The following ABLIM2 variants were observed in gnomAD, a reference collection of about 807,000 sequenced individuals.
The protein encoded by ABLIM2 is actin-binding LIM protein 2.
In ABLIM2, 53 loss-of-function variants were observed where a neutral mutation model predicts 97.7. That is an observed-to-expected ratio of 0.54 (90% CI 0.44 to 0.68). The LOEUF (loss-of-function observed/expected upper bound fraction) is 0.68, where lower values mean the gene tolerates loss of function less well. Among genes scored for constraint, ABLIM2 ranks in the 30% least tolerant of loss-of-function variants. The pLI is 0.00. For synonymous variants in ABLIM2, 361 were observed against 345.8 expected, an observed-to-expected ratio of 1.04 and a Z score of -0.49; for missense variants, 835 against 867.2, an observed-to-expected ratio of 0.96 and a Z score of 0.47.
At position 7,999,071 on chromosome 4, in the gene ABLIM2, A is replaced by T. The variant is rs934668417; in HGVS notation, c.1619-6144T>A. ...AGCGCTGAGAATCACTGGTTTATTT[A>T]TTTTATTTTTTGAGACGGAGTTTTG... On this transcript the variant is annotated intron_variant, in intron 16 of 20. Coordinates refer to ENST00000447017, the MANE Select transcript of ABLIM2 (RefSeq NM_001130083.2). This position sits in a 1 kb window ranked among gnomAD's most constrained non-coding sequence, Gnocchi z 4.4. Among the ~76,000 whole-genome samples the T allele has an allele frequency of 6.6e-6, 1 of 151,998 alleles. No homozygotes were observed. The highest frequency in any genetic ancestry group is 1.5e-5 in the Non-Finnish European group (1 of 67,992).
chr4:8,157,017 G>C (rs954407434), intron 1 of ABLIM2, among the ~76,000 whole-genome samples: 1 of 152,168 alleles, frequency 6.6e-6, no homozygotes, highest in African/African-American at 2.4e-5. Context: ...CCAAACTACC[G>C]AGGGCCTCCC....
intron 6 of ABLIM2, among the ~76,000 whole-genome samples, 164 bp downstream of exon 6, chr4:8,077,464 G>C (rs1816954241): frequency 6.6e-6 from 1 of 152,208 alleles, no homozygotes; most frequent in Non-Finnish European, 1.5e-5. Flanking sequence ...GCAGGCCCTG[G>C]ACAGCTGATG....
intron 14 of ABLIM2, 118 bp from the exon 15 acceptor site, chr4:8,009,220 G>A: frequency 4.8e-6 from 6 of 1,237,908 alleles, no homozygotes; most frequent in Non-Finnish European, 7.1e-6. Context: ...GAGAAGGTCA[G>A]TAGTACGAGT....
At position 8,071,375 on chromosome 4, in the gene ABLIM2, G is replaced by C. The variant is rs2152328091; in HGVS notation, c.675+6253C>G. On this transcript the variant is annotated intron_variant, in intron 6 of 20. Coordinates refer to ENST00000447017, the MANE Select transcript of ABLIM2 (RefSeq NM_001130083.2). This position sits in a 1 kb window ranked among gnomAD's most constrained non-coding sequence, Gnocchi z 6.2. ...GACACCCAGAGATGGGTGGGATGCA[G>C]GCCAACATGCATGAGGGTGCTGCAC... 6.6e-6 allele frequency among the ~76,000 whole-genome samples: 1 copy of C among 152,322 alleles called. No individual in the cohort carries two copies. Among genetic ancestry groups the C allele is most frequent in the East Asian group, 1.9e-4 (1 of 5,184 alleles).
rs1775662739 is a variant in ABLIM2 at position 8,023,958 on chromosome 4, G to T, written c.1268-3655C>A. ...AGAGGCCAGCTGGTGGCCACGGGCA[G>T]GCCAGGTAGGATGATGCCCATGCTG... On this transcript the variant is annotated intron_variant, in intron 12 of 20. Transcript: ENST00000447017. The surrounding 1 kb of genome is among the most constrained non-coding windows in gnomAD (Gnocchi z 5.7). Among the ~76,000 whole-genome samples, 1 of 152,194 alleles carries T rather than the reference G, an allele frequency of 6.6e-6. No homozygotes were observed. Among genetic ancestry groups the T allele is most frequent in the African/African-American group, 2.4e-5 (1 of 41,446 alleles).
chr4:8,103,734 G>A (rs1835812135), intron 2 of ABLIM2, among the ~76,000 whole-genome samples: 1 of 152,218 alleles, frequency 6.6e-6, no homozygotes, highest in African/African-American at 2.4e-5. Context: ...AGGCTGAAAT[G>A]GCCTGCCCAG....
At chr4:8,007,183 T>G (rs1204983399) in intron 16 of ABLIM2, 6 of 985,268 alleles carry the variant, frequency 6.1e-6, no homozygotes, top group Non-Finnish European at 7.2e-6. Context: ...AGAAACAGTT[T>G]CTGTTTACTG....
chr4:8,078,800 G>T (rs1436152132), intron 5 of ABLIM2, among the ~76,000 whole-genome samples: 1 of 152,220 alleles, frequency 6.6e-6, no homozygotes, highest in South Asian at 2.1e-4. Flanking sequence ...CAAGGTGGCT[G>T]AAGCATTGTC....
intron 14 of ABLIM2, among the ~76,000 whole-genome samples, chr4:8,018,095 A>C (rs547344411): frequency 3.3e-4 from 50 of 152,264 alleles, no homozygotes; most frequent in African/African-American, 1.2e-3. Flanking sequence ...TCTTTGTCTT[A>C]GATCTGGGTC....
At chr4:8,057,098 C>CTTTTTTTTTTTTT (rs11333108) in intron 7 of ABLIM2, among the ~76,000 whole-genome samples, 1 of 130,140 alleles carries the variant, frequency 7.7e-6, no homozygotes, top group African/African-American at 2.8e-5. Flanking sequence ...TTCTTTCTTT[C>CTTTTTTTTTTTTT]TTTTTTTTTT....
At chr4:8,055,242 G>A (rs1019154860) in intron 7 of ABLIM2, among the ~76,000 whole-genome samples, 1 of 152,144 alleles carries the variant, frequency 6.6e-6, no homozygotes, top group Non-Finnish European at 1.5e-5. Flanking sequence ...AACTCTCTCT[G>A]CCCACCTTCC....
At chr4:8,007,608 G>A in intron 16 of ABLIM2, 1 of 990,618 alleles carries the variant, frequency 1.0e-6, no homozygotes, top group Non-Finnish European at 1.2e-6. Context: ...TCTCTATGAA[G>A]CCTGAGGCTG....
In ABLIM2 at chr4:8,009,008, T is replaced by G. The variant is rs772108379; in HGVS notation, c.1476+42A>C. Reference sequence around the variant, plus strand: ...AGCCCTCACAAAAGCAATTTCTTTCTGAGCAAGGCTGTTCTCAGCCAGATC... The same window carrying G: ...AGCCCTCACAAAAGCAATTTCTTTCGGAGCAAGGCTGTTCTCAGCCAGATC... On this transcript the variant is annotated intron_variant, in intron 15 of 20. Coordinates refer to ENST00000447017, the MANE Select transcript of ABLIM2 (RefSeq NM_001130083.2). 43 of 1,610,960 alleles carry G rather than the reference T, an allele frequency of 2.7e-5. No individual in the cohort carries two copies. In the African/African-American group the frequency reaches 5.6e-4, roughly 21 times the overall value.
In ABLIM2 at chr4:8,079,574, T is replaced by C. The variant is rs565394505; in HGVS notation, c.581+1102A>G. On this transcript the variant is annotated intron_variant, in intron 5 of 20. Transcript: ENST00000447017. ...ACTTAAAATGATGTCTTGAAGATCATTGCAGATTCCCCAGCAGTTGTAAGA... is the reference window on the plus strand; with the variant it reads ...ACTTAAAATGATGTCTTGAAGATCACTGCAGATTCCCCAGCAGTTGTAAGA... Among the ~76,000 whole-genome samples, 19 of 152,296 alleles carry C rather than the reference T, an allele frequency of 1.2e-4. No individual in the cohort carries two copies. In the South Asian group the frequency reaches 1.9e-3, roughly 15 times the overall value.
chr4:8,154,281 CTTT>C (rs34112937), intron 1 of ABLIM2, among the ~76,000 whole-genome samples: 2 of 114,510 alleles, frequency 1.7e-5, no homozygotes. Context: ...CTTTTCTTTT[CTTT>C]TTTTTTTTTT....
rs1781861539 is a variant in ABLIM2, at chr4:8,032,892, G to A, written c.1048-3116C>T. On this transcript the variant is annotated intron_variant, in intron 10 of 20. Transcript: ENST00000447017. This position sits in a 1 kb window ranked among gnomAD's most constrained non-coding sequence, Gnocchi z 4.3. ...ATGGTTAATTCTTCCCAGAGAAAGA[G>A]GCCCCCGGGGAAACTGATTTCGTGC... 1.3e-5 allele frequency among the ~76,000 whole-genome samples: 2 copies of A among 152,172 alleles called. No individual in the cohort carries two copies. Among genetic ancestry groups the A allele is most frequent in the Non-Finnish European group, 2.9e-5 (2 of 68,032 alleles).
Position 7,998,533 on chromosome 4 carries a change from G to A in ABLIM2, c.1619-5606C>T. ...TTGGGGTGTCCTGTGTCGCTGGGTG[G>A]GGGTGGGAGATGCCTGCCACGGGTG... On this transcript the variant is annotated intron_variant, in intron 16 of 20. Coordinates refer to ENST00000447017, the MANE Select transcript of ABLIM2 (RefSeq NM_001130083.2). The surrounding 1 kb of genome is among the most constrained non-coding windows in gnomAD (Gnocchi z 6.4). The A allele has an allele frequency of 2.2e-6, 1 of 450,980 alleles. No individual in the cohort carries two copies. Among genetic ancestry groups the A allele is most frequent in the South Asian group, 1.6e-5 (1 of 64,350 alleles). The allele number at this position is 450,980 out of a possible 1,614,324, so 27.9% of individuals were successfully genotyped here.
intron 17 of ABLIM2, among the ~76,000 whole-genome samples, chr4:7,985,497 C>T (rs760768657): frequency 3.3e-5 from 5 of 152,140 alleles, no homozygotes; most frequent in Non-Finnish European, 5.9e-5. Context: ...CAGAGCTACG[C>T]GGACGCACGT....
At position 8,001,435 on chromosome 4, in the gene ABLIM2, G is replaced by A. The variant is rs368301478; in HGVS notation, c.1618+6624C>T. ...AGTCCCCAGGCAACCCAACGGCAGCGGCTGCTCCCTGGGGCTCCAGAGCCC... is the reference window on the plus strand; with the variant it reads ...AGTCCCCAGGCAACCCAACGGCAGCAGCTGCTCCCTGGGGCTCCAGAGCCC... On this transcript the variant is annotated intron_variant, in intron 16 of 20. Coordinates refer to ENST00000447017, the MANE Select transcript of ABLIM2 (RefSeq NM_001130083.2). This position sits in a 1 kb window ranked among gnomAD's most constrained non-coding sequence, Gnocchi z 4.2. 3.3e-5 allele frequency among the ~76,000 whole-genome samples: 5 copies of A among 152,156 alleles called. No individual in the cohort carries two copies. Among genetic ancestry groups the A allele is most frequent in the Admixed American group, 1.3e-4 (2 of 15,284 alleles).
Sources: gnomAD v4.1 joint callset for allele counts (sites outside exome capture counted in the v4.1 genomes callset) on GRCh38, gnomAD v4.1.1 for gene constraint, Gnocchi (gnomAD v3.1) non-coding constraint, MANE v1.5 for transcripts, NCBI Gene and HGNC (gene_info 2026-07-23, HGNC 2026-07-21) for gene names.